The following SORCS1 variants were observed in gnomAD, a reference collection of about 807,000 sequenced individuals.
SORCS1 encodes sortilin related VPS10 domain containing receptor 1, also known as VPS10 domain-containing receptor SorCS1.
A neutral mutation model predicts 146.1 loss-of-function variants in SORCS1; 60 were observed. That is an observed-to-expected ratio of 0.41 (90% CI 0.33 to 0.51). The LOEUF is 0.51. Ranked by LOEUF, SORCS1 falls within the 20% of genes least tolerant of loss-of-function variation. The pLI, the probability that SORCS1 is intolerant of heterozygous loss-of-function variation, is 0.21. For synonymous variants in SORCS1, 637 were observed against 584.0 expected (o/e 1.09, Z -1.31); for missense variants, 1,352 against 1,487.6 (o/e 0.91, Z 1.50).
At position 106,643,444 on chromosome 10, in the gene SORCS1, G is replaced by A. The variant is rs528873138; in HGVS notation, c.2475+8938C>T. Among the ~76,000 whole-genome samples the A allele has an allele frequency of 1.8e-4, 27 of 152,346 alleles. No homozygotes were observed. The East Asian group carries it at 5.2e-3, about 29-fold the overall frequency. On this transcript the variant is annotated intron_variant, in intron 18 of 25. Coordinates refer to ENST00000263054, the MANE Select transcript of SORCS1 (RefSeq NM_052918.5). The stretch of plus-strand genomic sequence containing the variant: ...TCCAGAGGGTCATAGAGAAATTGAG[G>A]GTCTTTTTCTGCAAGGAGGAGTCTG...
At chr10:106,656,257 A>G (rs907934975) in intron 17 of SORCS1, among the ~76,000 whole-genome samples, 3 of 152,204 alleles carry the variant, frequency 2.0e-5, no homozygotes, top group Non-Finnish European at 4.4e-5. Flanking sequence ...CTTAAAAAAG[A>G]TGAAGGCAAT....
intron 1 of SORCS1, among the ~76,000 whole-genome samples, chr10:106,966,182 A>G (rs771803065): frequency 6.6e-6 from 1 of 152,200 alleles, no homozygotes; most frequent in East Asian, 1.9e-4. Flanking sequence ...TTTTTGAGTT[A>G]TCAAAGGGGA....
At chr10:107,013,940 T>C (rs959562739) in intron 1 of SORCS1, among the ~76,000 whole-genome samples, 2 of 152,062 alleles carry the variant, frequency 1.3e-5, no homozygotes, top group Non-Finnish European at 2.9e-5. Flanking sequence ...CAGTTATTTC[T>C]GGCTACCCTT....
intron 3 of SORCS1, among the ~76,000 whole-genome samples, chr10:106,807,531 G>A (rs984573569): frequency 6.6e-6 from 1 of 152,148 alleles, no homozygotes; most frequent in East Asian, 1.9e-4. Context: ...TCTGGCTGTG[G>A]TTTTGCAGGT....
intron 1 of SORCS1, among the ~76,000 whole-genome samples, chr10:107,154,910 T>C (rs1969157372): frequency 6.6e-6 from 1 of 152,160 alleles, no homozygotes; most frequent in African/African-American, 2.4e-5. Context: ...AAATATACCA[T>C]TAGTACCCTC....
chr10:106,860,296 A>T (rs374792477), intron 2 of SORCS1, among the ~76,000 whole-genome samples: 5 of 152,356 alleles, frequency 3.3e-5, no homozygotes, highest in Non-Finnish European at 1.5e-5. Context: ...GCTTTGTGAC[A>T]TGTTCTATCT....
Position 106,597,502 on chromosome 10 carries a change from A to G in SORCS1, c.3166-52T>C, listed in dbSNP as rs193030223. 334 of 1,346,696 alleles carry G rather than the reference A, an allele frequency of 2.5e-4. 2 individuals carry two copies. The African/African-American group carries it at 3.3e-3, about 13-fold the overall frequency. 83.4% of individuals were successfully genotyped at this position (1,346,696 alleles called of 1,614,324 possible). A position where few individuals can be genotyped will look rare whatever the true frequency, so the allele number is the denominator to read the frequency against. ...ACCAAAAGTGTCATACTGATTATAA[A>G]CCAATAAGCTTAGAAATATTTACTA... is the stretch of plus-strand genomic sequence containing the variant. On this transcript the variant is annotated intron_variant, in intron 23 of 25. Transcript: ENST00000263054.
chr10:107,099,862 T>G (rs1964797196), intron 1 of SORCS1, among the ~76,000 whole-genome samples: 1 of 152,238 alleles, frequency 6.6e-6, no homozygotes, highest in Non-Finnish European at 1.5e-5. Flanking sequence ...TAGCAAAATA[T>G]ACATGATTTC....
rs1564733654 is a variant in SORCS1, at chr10:106,574,061, TAA to T, written c.*3357_*3358del. On this transcript the variant is annotated 3_prime_UTR_variant, in exon 26 of 26. Transcript: ENST00000263054. ...ACTATAAGAAAACTTTTTTTTTTTT[TAA>T]TTGGCTTCCTATAAAAATAAGTCGG... The T allele has an allele frequency of 6.6e-6, 1 of 151,448 alleles. No individual in the cohort carries two copies. Among genetic ancestry groups the T allele is most frequent in the Non-Finnish European group, 1.5e-5 (1 of 67,786 alleles). 9.4% of individuals were successfully genotyped at this position (151,448 alleles called of 1,614,324 possible).
At chr10:106,879,357 C>G (rs764642872) in intron 2 of SORCS1, among the ~76,000 whole-genome samples, 44 of 152,046 alleles carry the variant, frequency 2.9e-4, no homozygotes, top group Admixed American at 2.0e-3. Flanking sequence ...ATTTTTAATC[C>G]ATTCAGTTAT....
chr10:106,784,327 G>A lies in SORCS1; in HGVS notation c.727-7635C>T, dbSNP rs949423716. Among the ~76,000 whole-genome samples, 8 of 151,744 alleles carry A rather than the reference G, an allele frequency of 5.3e-5. No homozygotes were observed. In the South Asian group the frequency reaches 1.0e-3, roughly 20 times the overall value. On this transcript the variant is annotated intron_variant, in intron 3 of 25. Transcript: ENST00000263054. ...GGAGAATGGCATGAACCCAGGAGGC[G>A]GAGCTTGCAGTGAGCCAAGATCGCG...
chr10:107,065,447 C>CTTTCTTTCTTTCTTTCT (rs1554937440), intron 1 of SORCS1, among the ~76,000 whole-genome samples: 6 of 122,866 alleles, frequency 4.9e-5, no homozygotes, highest in Admixed American at 8.3e-5. Flanking sequence ...TTCTTTCTTT[C>CTTTCTTTCTTTCTTTCT]TTTTCTCTCT....
intron 6 of SORCS1, among the ~76,000 whole-genome samples, chr10:106,715,582 T>A (rs1346255666): frequency 6.6e-6 from 1 of 152,176 alleles, no homozygotes; most frequent in South Asian, 2.1e-4. Context: ...AGTTATGACA[T>A]TTGATGACCT....
chr10:106,667,935 A>T (rs76080647), intron 16 of SORCS1, 133 bp from the exon 17 acceptor site: 1 of 617,194 alleles, frequency 1.6e-6, no homozygotes. Flanking sequence ...AAAAAAAAAA[A>T]ACACAAGCAT....
At chr10:106,699,998 C>T (rs575890083) in intron 8 of SORCS1, among the ~76,000 whole-genome samples, 65 of 152,336 alleles carry the variant, frequency 4.3e-4, no homozygotes, top group Non-Finnish European at 5.9e-5. Context: ...CTCCTCTACC[C>T]TCAGCCCTAA....
chr10:106,776,370 C>G (rs541849930), intron 4 of SORCS1, among the ~76,000 whole-genome samples, 164 bp downstream of exon 4: 26 of 152,314 alleles, frequency 1.7e-4, no homozygotes, highest in Middle Eastern at 3.4e-3. Flanking sequence ...TTTAAACAAG[C>G]AACCTGAGAC....
chr10:107,043,389 T>C (rs538568827), intron 1 of SORCS1, among the ~76,000 whole-genome samples: 2 of 152,274 alleles, frequency 1.3e-5, no homozygotes, highest in East Asian at 3.9e-4. Context: ...GATTCCGCCG[T>C]CTGAATGATT....
At chr10:107,008,709 T>C (rs1370696280) in intron 1 of SORCS1, among the ~76,000 whole-genome samples, 1 of 152,098 alleles carries the variant, frequency 6.6e-6, no homozygotes, top group Non-Finnish European at 1.5e-5. Flanking sequence ...AAAATGGTTA[T>C]TATATGGGCC....
chr10:106,579,025 G>GCT (rs1844733253), intron 25 of SORCS1: 1 of 1,588,028 alleles, frequency 6.3e-7, no homozygotes, highest in African/African-American at 1.3e-5. Flanking sequence ...GCCAGAAAGG[G>GCT]GTTAGAGAGA....
Sources: gnomAD v4.1 joint callset for allele counts (sites outside exome capture counted in the v4.1 genomes callset) on GRCh38, gnomAD v4.1.1 for gene constraint, MANE v1.5 for transcripts, NCBI Gene and HGNC (gene_info 2026-07-23, HGNC 2026-07-21) for gene names.